The following PPT1 variants were observed in gnomAD, a reference collection of about 807,000 sequenced individuals.
PPT1 encodes the protein ceroid-palmitoyl-palmitoyl-protein thioesterase 1.
A neutral mutation model predicts 44.0 loss-of-function variants in PPT1; 24 were observed. The observed-to-expected ratio is 0.54, with a 90% CI of 0.39 to 0.77. PPT1 has a LOEUF of 0.77. Ranked by LOEUF, PPT1 falls within the 30% of genes least tolerant of loss-of-function variation. PPT1 has a pLI of 0.00. For synonymous variants in PPT1, 148 were observed against 140.2 expected, an observed-to-expected ratio of 1.06 and a Z score of -0.39; for missense variants, 341 against 378.8, an observed-to-expected ratio of 0.90 and a Z score of 0.83.
chr1:40,077,067 CTCT>C (rs1648665814), intron 7 of PPT1, among the ~76,000 whole-genome samples, 154 bp from the exon 8 acceptor site: 1 of 152,214 alleles, frequency 6.6e-6, no homozygotes, highest in African/African-American at 2.4e-5. Flanking sequence ...TCTGAGTCAT[CTCT>C]TCTTAAGGGT....
Position 40,074,090 on chromosome 1 carries a change from A to AAAACC in PPT1, c.887_891dup (p.Tyr298GlyfsTer48). On this transcript the variant is annotated frameshift_variant, in exon 9 of 9. Coordinates refer to ENST00000642050, the MANE Select transcript of PPT1 (RefSeq NM_000310.4). LOFTEE classifies it high-confidence loss of function. ...CCAAGGAATGGTATGATGTGGGCAT[A>AAAACC]AAACCATTCTTCAGACAACTGAAGA... 1 of 1,614,176 alleles carries AAAACC rather than the reference A, an allele frequency of 6.2e-7. No individual in the cohort carries two copies. The highest frequency in any genetic ancestry group is 8.5e-7 in the Non-Finnish European group (1 of 1,180,014).
At chr1:40,094,564 C>A (rs4660387) in intron 1 of PPT1, among the ~76,000 whole-genome samples, 2 of 151,454 alleles carry the variant, frequency 1.3e-5, no homozygotes, top group African/African-American at 4.9e-5. Context: ...TGAGTGCCTC[C>A]TTAAATTTGC....
chr1:40,076,900 T>A lies in PPT1; in HGVS notation c.740A>T (p.Tyr247Phe). The A allele has an allele frequency of 6.2e-7, 1 of 1,614,114 alleles. No homozygotes were observed. Among genetic ancestry groups the A allele is most frequent in the Non-Finnish European group, 8.5e-7 (1 of 1,179,994 alleles). Residue 247 changes from tyrosine to phenylalanine, a missense_variant, in exon 8 of 9, where the codon TAC (tyrosine) becomes TTC (phenylalanine). Tyr to Phe is a conservative substitution (Grantham distance 22, BLOSUM62 3). Coordinates refer to ENST00000642050, the MANE Select transcript of PPT1 (RefSeq NM_000310.4). ...GGTTTCCTTGGCTTGGCCACTTCTG[T>A]AAAATCCAAACCACTGCAGAAGAAG... ...DPVDSEWFGF[Y>F]RSGQAKETIP...
chr1:40,075,958 C>CAAAAAAAAA (rs56338772), intron 8 of PPT1, among the ~76,000 whole-genome samples: 2 of 41,846 alleles, frequency 4.8e-5, no homozygotes, highest in African/African-American at 2.3e-4. Context: ...AAGACTGTCT[C>CAAAAAAAAA]AAAAAAAAAA....
rs1570447156 is a variant in PPT1, at chr1:40,073,321, T to C, written c.*740A>G. 1 of 152,428 alleles carries C rather than the reference T, an allele frequency of 6.6e-6. No homozygotes were observed. Among genetic ancestry groups the C allele is most frequent in the Admixed American group, 6.5e-5 (1 of 15,290 alleles). 9.4% of individuals were successfully genotyped at this position (152,428 alleles called of 1,614,324 possible). A position where few individuals can be genotyped will look rare whatever the true frequency, so the allele number is the denominator to read the frequency against. ...TGGTCGAGAATGGAATAGGAAGAAC[T>C]AGCTGCCTCACTTTTCACTTTCGCG... On this transcript the variant is annotated 3_prime_UTR_variant, in exon 9 of 9. Transcript: ENST00000642050.
rs1331908057 is a variant in PPT1 at position 40,073,367 on chromosome 1, TAA to T, written c.*692_*693del. Reference sequence around the variant, plus strand: ...TCGCGCCTACATTTTCTTCGCTCCCTAAGTTATACAAGATGTACATTTCCTCT... The same window carrying T: ...TCGCGCCTACATTTTCTTCGCTCCCTGTTATACAAGATGTACATTTCCTCT... On this transcript the variant is annotated 3_prime_UTR_variant, in exon 9 of 9. Coordinates refer to ENST00000642050, the MANE Select transcript of PPT1 (RefSeq NM_000310.4). 1 of 152,418 alleles carries T rather than the reference TAA, an allele frequency of 6.6e-6. No individual in the cohort carries two copies. The highest frequency in any genetic ancestry group is 2.4e-5 in the African/African-American group (1 of 41,456). The allele number at this position is 152,418 out of a possible 1,614,324, so 9.4% of individuals were successfully genotyped here. A position where few individuals can be genotyped will look rare whatever the true frequency, so the allele number is the denominator to read the frequency against.
chr1:40,078,442 T>A, intron 7 of PPT1, 118 bp downstream of exon 7: 1 of 971,522 alleles, frequency 1.0e-6, no homozygotes, highest in South Asian at 1.3e-5. Context: ...CCTCAGGTGA[T>A]CCACCCGCCT....
chr1:40,076,966 C>T, intron 7 of PPT1, 53 bp from the exon 8 acceptor site: 12 of 1,596,780 alleles, frequency 7.5e-6, no homozygotes, highest in Non-Finnish European at 1.0e-5. Context: ...GCACATACTG[C>T]CAAAATAATT....
At chr1:40,074,275 TG>T in intron 8 of PPT1, 92 bp from the exon 9 acceptor site, 1 of 1,519,628 alleles carries the variant, frequency 6.6e-7, no homozygotes. Context: ...ATTTTCAAAA[TG>T]CAGTTTGTCC....
At chr1:40,087,513 G>A (rs1160966059) in intron 5 of PPT1, among the ~76,000 whole-genome samples, 2 of 152,042 alleles carry the variant, frequency 1.3e-5, no homozygotes, top group Admixed American at 1.3e-4. Flanking sequence ...AAAGTGCTGG[G>A]ATAACAGGCA....
intron 8 of PPT1, among the ~76,000 whole-genome samples, chr1:40,074,909 T>C (rs1389626580): frequency 4.6e-5 from 7 of 152,132 alleles, no homozygotes; most frequent in African/African-American, 1.7e-4. Flanking sequence ...CAGAATGCCA[T>C]AGGTAAGTGG....
intron 1 of PPT1, 55 bp downstream of exon 1, chr1:40,097,060 C>T (rs1007927128): frequency 2.0e-5 from 32 of 1,613,716 alleles, no homozygotes; most frequent in Non-Finnish European, 2.5e-5. Flanking sequence ...AGATGCGAAC[C>T]CAGGCTAGGA....
chr1:40,079,286 A>G (rs1648798014), intron 6 of PPT1, among the ~76,000 whole-genome samples: 1 of 152,076 alleles, frequency 6.6e-6, no homozygotes, highest in Non-Finnish European at 1.5e-5. Context: ...GCTATGGTGA[A>G]CAGTGCTGCA....
intron 5 of PPT1, among the ~76,000 whole-genome samples, chr1:40,081,615 T>C (rs10789078): frequency 0.56 from 84,383 of 151,934 alleles, 25,428 homozygotes; most frequent in Non-Finnish European, 0.68. Context: ...CTCTCTTCTT[T>C]TGTCTACCGT....
chr1:40,072,201 C>T (rs1031420233), downstream of PPT1: 2 of 371,392 alleles, frequency 5.4e-6, no homozygotes, highest in African/African-American at 4.4e-5. Context: ...TGGACCCTTT[C>T]TTTCTCTGGG....
rs1287667982 is a variant in PPT1, at chr1:40,093,971, T to C, written c.125-1464A>G. The C allele has an allele frequency of 3.1e-5, 22 of 716,168 alleles. No homozygotes were observed. In the East Asian group the frequency reaches 3.5e-4, roughly 11 times the overall value. The allele number at this position is 716,168 out of a possible 1,614,324, so 44.4% of individuals were successfully genotyped here. ...GCTTTGGTAAGACGAGGCAGGAGGA[T>C]TGCTTGAGGCCAAGAGTTCGAGACC... is the stretch of plus-strand genomic sequence containing the variant. On this transcript the variant is annotated intron_variant, in intron 1 of 8. Transcript: ENST00000642050.
chr1:40,089,518 G>A lies in PPT1; in HGVS notation c.434-6C>T. 6.2e-7 allele frequency: 1 copy of A among 1,603,278 alleles called. No individual in the cohort carries two copies. The highest frequency in any genetic ancestry group is 1.3e-5 in the African/African-American group (1 of 74,794). On this transcript the variant is annotated splice_region_variant and splice_polypyrimidine_tract_variant and intron_variant, in intron 4 of 8. Coordinates refer to ENST00000642050, the MANE Select transcript of PPT1 (RefSeq NM_000310.4). Reference sequence around the variant, plus strand: ...TCGAGGGAGTCCAAAAACACCTACAGTGGTAGATGACAAATATCCACTCCT... The same window carrying A: ...TCGAGGGAGTCCAAAAACACCTACAATGGTAGATGACAAATATCCACTCCT...
At chr1:40,074,716 G>A (rs916708635) in intron 8 of PPT1, among the ~76,000 whole-genome samples, 1 of 151,944 alleles carries the variant, frequency 6.6e-6, no homozygotes, top group Non-Finnish European at 1.5e-5. Context: ...TGATCCACGT[G>A]CCTCGGCCTC....
intron 5 of PPT1, among the ~76,000 whole-genome samples, chr1:40,081,623 C>T (rs959878413): frequency 4.0e-5 from 6 of 151,882 alleles, no homozygotes; most frequent in African/African-American, 1.2e-4. Flanking sequence ...TTTTGTCTAC[C>T]GTCATGTGAG....
Sources: gnomAD v4.1 joint callset for allele counts (sites outside exome capture counted in the v4.1 genomes callset) on GRCh38, gnomAD v4.1.1 for gene constraint, MANE v1.5 for transcripts, NCBI Gene and HGNC (gene_info 2026-07-23, HGNC 2026-07-21) for gene names.